The following VRK1 variants were observed in gnomAD, a reference collection of about 807,000 sequenced individuals.
VRK1 encodes the protein serine/threonine-protein kinase VRK1.
A neutral mutation model predicts 57.1 loss-of-function variants in VRK1; 33 were observed. The ratio of observed to expected loss-of-function variants is 0.58; its 90% CI spans 0.44 to 0.77. The LOEUF is 0.77. Ranked by LOEUF, VRK1 falls within the 30% of genes least tolerant of loss-of-function variation. VRK1 has a pLI of 0.00. For synonymous variants in VRK1, 137 were observed against 147.8 expected (o/e 0.93, Z 0.53); for missense variants, 413 against 477.3 (o/e 0.87, Z 1.25).
intron 1 of VRK1, among the ~76,000 whole-genome samples, chr14:96,806,760 G>A (rs1337524520): frequency 6.6e-6 from 1 of 151,988 alleles, no homozygotes; most frequent in Non-Finnish European, 1.5e-5. Context: ...ATTTTTCTCT[G>A]GAGAGGTATC....
chr14:96,811,349 A>G (rs1886195856), intron 1 of VRK1, among the ~76,000 whole-genome samples: 2 of 152,214 alleles, frequency 1.3e-5, no homozygotes, highest in Admixed American at 6.5e-5. Flanking sequence ...TGCAGAAGGG[A>G]GCAAATTCCA....
chr14:96,862,144 C>T (rs1046906618), intron 11 of VRK1, among the ~76,000 whole-genome samples: 13 of 142,200 alleles, frequency 9.1e-5, no homozygotes, highest in African/African-American at 3.3e-4. Flanking sequence ...TTTGGACTTA[C>T]ATGCTGGAGA....
chr14:96,865,511 A>C (rs1888550262), intron 11 of VRK1, among the ~76,000 whole-genome samples: 1 of 152,154 alleles, frequency 6.6e-6, no homozygotes, highest in African/African-American at 2.4e-5. Flanking sequence ...TCGCTCTTTG[A>C]ATTTACATAC....
In VRK1 at chr14:96,856,251, G is replaced by A; in HGVS notation, c.830+1G>A. The A allele has an allele frequency of 1.2e-6, 2 of 1,612,586 alleles. No homozygotes were observed. Among genetic ancestry groups the A allele is most frequent in the Non-Finnish European group, 8.5e-7 (1 of 1,179,620 alleles). Reference sequence around the variant, plus strand: ...AATATGTTAGAGATTCCAAAATTAGGTAAAGGAAAACTTAAGTTATTTCTA... The same window carrying A: ...AATATGTTAGAGATTCCAAAATTAGATAAAGGAAAACTTAAGTTATTTCTA... On this transcript the variant is annotated splice_donor_variant, in intron 9 of 12. Transcript: ENST00000216639. LOFTEE classifies it high-confidence loss of function.
At chr14:96,801,164 C>T (rs779183911) in intron 1 of VRK1, among the ~76,000 whole-genome samples, 38 of 152,138 alleles carry the variant, frequency 2.5e-4, no homozygotes, top group Non-Finnish European at 5.3e-4. Flanking sequence ...GACTTAGATA[C>T]TTGCTTTAAG....
At chr14:96,838,884 A>G (rs1157578576) in intron 3 of VRK1, among the ~76,000 whole-genome samples, 1 of 151,048 alleles carries the variant, frequency 6.6e-6, no homozygotes, top group Non-Finnish European at 1.5e-5. Context: ...ACTTTTTTAA[A>G]AAAATTGAGG....
intron 12 of VRK1, chr14:96,877,477 C>T (rs1336524625): frequency 7.8e-7 from 1 of 1,288,908 alleles, no homozygotes; most frequent in Admixed American, 2.3e-5. Context: ...CCTCCTTTCC[C>T]CTGTCTTGTT....
chr14:96,819,237 T>TG (rs1223857366), intron 1 of VRK1, among the ~76,000 whole-genome samples: 13 of 152,210 alleles, frequency 8.5e-5, no homozygotes, highest in Admixed American at 2.0e-4. Flanking sequence ...AAAAAAGTGG[T>TG]GTTTTTGGCT....
chr14:96,813,494 A>G (rs1886282847), intron 1 of VRK1, among the ~76,000 whole-genome samples: 2 of 152,140 alleles, frequency 1.3e-5, no homozygotes, highest in Non-Finnish European at 2.9e-5. Context: ...TGGCGTATAC[A>G]TCAAGTTTTT....
Position 96,797,429 on chromosome 14 carries a change from G to C in VRK1, c.-24G>C, listed in dbSNP as rs928859896. 6.6e-6 allele frequency: 1 copy of C among 152,130 alleles called. No homozygotes were observed. Among genetic ancestry groups the C allele is most frequent in the Non-Finnish European group, 1.5e-5 (1 of 68,028 alleles). 9.4% of individuals were successfully genotyped at this position (152,130 alleles called of 1,614,324 possible). On this transcript the variant is annotated 5_prime_UTR_variant, in exon 1 of 13. Coordinates refer to ENST00000216639, the MANE Select transcript of VRK1 (RefSeq NM_003384.3). ...GGGAAGTTCGTACTGGGCAGAACGC[G>C]ACGGGTCTGCGGCTTAGGGTAGGGA...
At chr14:96,816,768 CAAG>C (rs1330042046) in intron 1 of VRK1, among the ~76,000 whole-genome samples, 2 of 128,126 alleles carry the variant, frequency 1.6e-5, no homozygotes, top group South Asian at 2.3e-4. Flanking sequence ...GGACAAATGA[CAAG>C]AAGAAGGACA....
intron 12 of VRK1, 38 bp from the exon 13 acceptor site, chr14:96,881,139 T>C: frequency 6.4e-7 from 1 of 1,565,792 alleles, no homozygotes; most frequent in Non-Finnish European, 8.7e-7. Context: ...TTGTAAATTA[T>C]TGACTAGTGA....
chr14:96,860,805 T>C (rs953792603), intron 11 of VRK1, 70 bp downstream of exon 11: 2 of 1,532,384 alleles, frequency 1.3e-6, no homozygotes, highest in African/African-American at 2.8e-5. Flanking sequence ...TAAAAGAAAG[T>C]ATAGCAGTAG....
intron 1 of VRK1, among the ~76,000 whole-genome samples, chr14:96,806,840 C>T (rs1471532004): frequency 3.5e-5 from 5 of 144,206 alleles, no homozygotes; most frequent in East Asian, 2.3e-4. Flanking sequence ...CCCTTCCTTC[C>T]CTCCTTCCCT....
intron 11 of VRK1, 85 bp from the exon 12 acceptor site, chr14:96,875,943 TAC>T (rs1261990908): frequency 3.4e-5 from 48 of 1,398,464 alleles, no homozygotes; most frequent in Non-Finnish European, 4.1e-5. Flanking sequence ...TATACATTTA[TAC>T]ACACACACAG....
intron 11 of VRK1, among the ~76,000 whole-genome samples, chr14:96,864,730 GTTCCA>G (rs1888517422): frequency 6.6e-6 from 1 of 152,134 alleles, no homozygotes; most frequent in African/African-American, 2.4e-5. Flanking sequence ...GCATGGAGGA[GTTCCA>G]GTTGCTCACT....
chr14:96,852,152 GA>G, intron 5 of VRK1, among the ~76,000 whole-genome samples: 1 of 152,314 alleles, frequency 6.6e-6, no homozygotes, highest in East Asian at 1.9e-4. Flanking sequence ...AGTGACCTTA[GA>G]AAGGGTGAGT....
intron 1 of VRK1, among the ~76,000 whole-genome samples, chr14:96,832,315 A>G (rs557158224): frequency 6.6e-6 from 1 of 152,136 alleles, no homozygotes; most frequent in African/African-American, 2.4e-5. Flanking sequence ...AGTGTTGCAT[A>G]CTGTCTTAAT....
rs369211346 is a variant in VRK1 at position 96,829,856 on chromosome 14, GAT to G, written c.-5-3608_-5-3607del. Among the ~76,000 whole-genome samples, 120 of 152,172 alleles carry G rather than the reference GAT, an allele frequency of 7.9e-4. 1 individual carries two copies. Among genetic ancestry groups the G allele is most frequent in the African/African-American group, 2.8e-3 (115 of 41,546 alleles). On this transcript the variant is annotated intron_variant, in intron 1 of 12. Coordinates refer to ENST00000216639, the MANE Select transcript of VRK1 (RefSeq NM_003384.3). ...TACAAGTATATATTTACTGCTCACT[GAT>G]ATTGACATTTCTTTAGTCATTTTGG...
Sources: gnomAD v4.1 joint callset for allele counts (sites outside exome capture counted in the v4.1 genomes callset) on GRCh38, gnomAD v4.1.1 for gene constraint, MANE v1.5 for transcripts, NCBI Gene and HGNC (gene_info 2026-07-23, HGNC 2026-07-21) for gene names.